Variants in FBXL20 observed in about 807,000 individuals in gnomAD.
The protein encoded by FBXL20 is F-box and leucine rich repeat protein 20.
In FBXL20, 11 loss-of-function variants were observed where a neutral mutation model predicts 64.0. The observed-to-expected ratio is 0.17, with a 90% CI of 0.11 to 0.28. FBXL20 has a LOEUF of 0.28. Ranked by LOEUF, FBXL20 falls within the 10% of genes least tolerant of loss-of-function variation. The pLI, the probability that FBXL20 is intolerant of heterozygous loss-of-function variation, is 1.00. For synonymous variants in FBXL20, 184 were observed against 189.0 expected (o/e 0.97, Z 0.22); for missense variants, 303 against 526.2 (o/e 0.58, Z 4.15).
intron 1 of FBXL20, among the ~76,000 whole-genome samples, chr17:39,365,410 G>A (rs2047849791): frequency 6.6e-6 from 1 of 152,156 alleles, no homozygotes. Context: ...ACTACTGCCA[G>A]TGCATTGCCG....
At chr17:39,291,107 G>A (rs1421843617) in intron 6 of FBXL20, among the ~76,000 whole-genome samples, 2 of 151,664 alleles carry the variant, frequency 1.3e-5, no homozygotes, top group Admixed American at 6.6e-5. Flanking sequence ...GACTACAGGA[G>A]CCTGCCACCA....
At chr17:39,278,225 T>C (rs1321370466) in intron 9 of FBXL20, among the ~76,000 whole-genome samples, 1 of 151,746 alleles carries the variant, frequency 6.6e-6, no homozygotes, top group Non-Finnish European at 1.5e-5. Context: ...GGCTCACCGC[T>C]ACATCTGCCT....
intron 1 of FBXL20, among the ~76,000 whole-genome samples, chr17:39,359,202 C>G (rs2047770855): frequency 2.0e-5 from 3 of 152,068 alleles, no homozygotes; most frequent in Admixed American, 2.0e-4. Flanking sequence ...TGGCGGCACG[C>G]ACTTGTACCT....
chr17:39,310,165 A>G (rs1453427610), intron 2 of FBXL20, among the ~76,000 whole-genome samples: 1 of 145,592 alleles, frequency 6.9e-6, no homozygotes, highest in African/African-American at 2.6e-5. Flanking sequence ...AAAAAAAAAA[A>G]AAAGAAAAGA....
intron 1 of FBXL20, among the ~76,000 whole-genome samples, chr17:39,376,963 G>A (rs141028051): frequency 3.3e-5 from 5 of 152,164 alleles, no homozygotes; most frequent in African/African-American, 1.2e-4. Flanking sequence ...GTTCATTCCT[G>A]GGCTGACCTA....
At chr17:39,394,854 TGGCCAGATACTGTACCC>T (rs1293033207) in intron 1 of FBXL20, among the ~76,000 whole-genome samples, 3 of 152,134 alleles carry the variant, frequency 2.0e-5, no homozygotes, top group African/African-American at 2.4e-5. Flanking sequence ...CCACTGTGCC[TGGCCAGATACTGTACCC>T]GGCCAGATAC....
intron 1 of FBXL20, among the ~76,000 whole-genome samples, chr17:39,361,404 G>A (rs1407848536): frequency 6.6e-6 from 1 of 152,188 alleles, no homozygotes; most frequent in Non-Finnish European, 1.5e-5. Flanking sequence ...TGCACAGTTT[G>A]CAAAGAACTG....
chr17:39,298,812 A>T (rs529009109), intron 5 of FBXL20, among the ~76,000 whole-genome samples, 178 bp downstream of exon 5: 2 of 152,170 alleles, frequency 1.3e-5, no homozygotes, highest in Non-Finnish European at 2.9e-5. Flanking sequence ...TTCAGGCAGT[A>T]CTTGTTCTTG....
chr17:39,319,673 C>CAAAAAAAAAA (rs71300077), intron 2 of FBXL20, among the ~76,000 whole-genome samples: 2 of 47,302 alleles, frequency 4.2e-5, no homozygotes, highest in African/African-American at 7.7e-5. Flanking sequence ...GACTCCATAT[C>CAAAAAAAAAA]AAAAAAAAAA....
At chr17:39,299,159 C>T (rs568576967) in intron 4 of FBXL20, 75 bp from the exon 5 acceptor site, 8 of 1,032,456 alleles carry the variant, frequency 7.7e-6, no homozygotes, top group Non-Finnish European at 8.7e-6. Flanking sequence ...TCATTTTTAA[C>T]GATTTATAAA....
At chr17:39,315,213 G>T (rs2047274297) in intron 2 of FBXL20, among the ~76,000 whole-genome samples, 1 of 151,888 alleles carries the variant, frequency 6.6e-6, no homozygotes, top group South Asian at 2.1e-4. Context: ...AACACTTTTT[G>T]ATTACAGACA....
chr17:39,289,724 G>A (rs2047020239), intron 6 of FBXL20, among the ~76,000 whole-genome samples: 1 of 151,710 alleles, frequency 6.6e-6, no homozygotes, highest in African/African-American at 2.4e-5. Context: ...GCCAGGAGTG[G>A]TGACTCACGC....
chr17:39,264,033 G>A, intron 14 of FBXL20, 142 bp downstream of exon 14: 1 of 893,166 alleles, frequency 1.1e-6, no homozygotes, highest in Non-Finnish European at 1.7e-6. Context: ...CTGTCCTTAG[G>A]TTTGCACTTT....
chr17:39,278,797 G>A (rs563248981), intron 9 of FBXL20, among the ~76,000 whole-genome samples: 3 of 143,836 alleles, frequency 2.1e-5, no homozygotes, highest in South Asian at 4.8e-4. Flanking sequence ...CCACCGTCTC[G>A]GCCTCCCAAA....
At chr17:39,401,232 G>C in intron 1 of FBXL20, 129 bp downstream of exon 1, 1 of 1,550,652 alleles carries the variant, frequency 6.4e-7, no homozygotes, top group Non-Finnish European at 8.7e-7. Context: ...GGGGAGCGGA[G>C]TCTGGCAGCC....
chr17:39,344,432 T>A (rs996766123), intron 1 of FBXL20, among the ~76,000 whole-genome samples: 2 of 151,778 alleles, frequency 1.3e-5, no homozygotes, highest in Admixed American at 1.3e-4. Context: ...AGAAGATGAC[T>A]CCCCAAACTT....
chr17:39,347,901 T>C (rs2047649554), intron 1 of FBXL20, among the ~76,000 whole-genome samples: 2 of 152,140 alleles, frequency 1.3e-5, no homozygotes, highest in African/African-American at 2.4e-5. Context: ...GTTTCAGCTT[T>C]CTACATATGG....
intron 6 of FBXL20, among the ~76,000 whole-genome samples, chr17:39,295,596 T>C (rs964199408): frequency 6.6e-6 from 1 of 152,106 alleles, no homozygotes; most frequent in African/African-American, 2.4e-5. Flanking sequence ...TTTCATTTCT[T>C]TTTGACTTAA....
rs929482125 is a variant in FBXL20 at position 39,260,881 on chromosome 17, T to C, written c.*579A>G. ...CCATTTAGGAAACCTCTGGGCCAAATACTAAAACACAGGAGGAATGGACGA... is the reference window on the plus strand; with the variant it reads ...CCATTTAGGAAACCTCTGGGCCAAACACTAAAACACAGGAGGAATGGACGA... On this transcript the variant is annotated 3_prime_UTR_variant, in exon 15 of 15. Transcript: ENST00000264658. 6.4e-6 allele frequency: 1 copy of C among 155,666 alleles called. No homozygotes were observed. The highest frequency in any genetic ancestry group is 2.4e-5 in the African/African-American group (1 of 41,464). The allele number at this position is 155,666 out of a possible 1,614,324, so 9.6% of individuals were successfully genotyped here.
Sources: gnomAD v4.1 joint callset for allele counts (sites outside exome capture counted in the v4.1 genomes callset) on GRCh38, gnomAD v4.1.1 for gene constraint, MANE v1.5 for transcripts, NCBI Gene and HGNC (gene_info 2026-07-23, HGNC 2026-07-21) for gene names.